The following EPB41 variants were observed in gnomAD, a reference collection of about 807,000 sequenced individuals.
EPB41 encodes protein 4.1.
EPB41 carries 65 observed loss-of-function variants against 108.0 expected under a neutral mutation model. The ratio of observed to expected loss-of-function variants is 0.60; its 90% CI spans 0.49 to 0.74. The LOEUF is 0.74. EPB41 is among the 30% of genes least tolerant of loss of function. The pLI, the probability that EPB41 is intolerant of heterozygous loss-of-function variation, is 0.00. For synonymous variants in EPB41, 336 were observed against 358.9 expected, an observed-to-expected ratio of 0.94 and a Z score of 0.72; for missense variants, 875 against 1,037.0, an observed-to-expected ratio of 0.84 and a Z score of 2.15.
rs1671186920 is a variant in EPB41, at chr1:29,117,382, C to T, written c.*570C>T. On this transcript the variant is annotated 3_prime_UTR_variant, in exon 21 of 21. Transcript: ENST00000343067. ...CAGACCTCGGAAAGATGCCCCTGTT[C>T]CTTTGTTGCGGGTGGTTTTGGTAAG... The T allele has an allele frequency of 6.5e-6, 1 of 152,702 alleles. No individual in the cohort carries two copies. The highest frequency in any genetic ancestry group is 2.4e-5 in the African/African-American group (1 of 41,440). 9.5% of individuals were successfully genotyped at this position (152,702 alleles called of 1,614,324 possible). A position where few individuals can be genotyped will look rare whatever the true frequency, so the allele number is the denominator to read the frequency against.
intron 4 of EPB41, among the ~76,000 whole-genome samples, chr1:29,007,736 C>T (rs1346046376): frequency 6.6e-6 from 1 of 152,164 alleles, no homozygotes; most frequent in Non-Finnish European, 1.5e-5. Context: ...GTCTTTCTCT[C>T]ACCACTATAG....
chr1:29,033,925 C>G (rs1396820969), intron 9 of EPB41, among the ~76,000 whole-genome samples: 1 of 152,126 alleles, frequency 6.6e-6, no homozygotes, highest in East Asian at 1.9e-4. Flanking sequence ...GTCATTTGGG[C>G]AGGATAATAC....
At chr1:29,006,769 G>T (rs1018365707) in intron 4 of EPB41, among the ~76,000 whole-genome samples, 12 of 151,830 alleles carry the variant, frequency 7.9e-5, no homozygotes, top group African/African-American at 2.4e-4. Context: ...GTGTGGTGGT[G>T]AGCACCTGTA....
chr1:29,091,943 G>A (rs1661340552), intron 16 of EPB41, among the ~76,000 whole-genome samples: 1 of 152,022 alleles, frequency 6.6e-6, no homozygotes, highest in African/African-American at 2.4e-5. Context: ...ATGGAGCCCT[G>A]GTTAATATTC....
In EPB41 at chr1:29,061,829, C is replaced by T. The variant is rs150520995; in HGVS notation, c.2007+1345C>T. Among the ~76,000 whole-genome samples the T allele has an allele frequency of 4.4e-3, 662 of 152,076 alleles. 4 individuals are homozygous for T. Among genetic ancestry groups the T allele is most frequent in the African/African-American group, 0.015 (628 of 41,482 alleles). On this transcript the variant is annotated intron_variant, in intron 15 of 20. Coordinates refer to ENST00000343067, the MANE Select transcript of EPB41 (RefSeq NM_001376013.1). ...TCCTGGACTCAAGTGATCCTTCTGC[C>T]TTAGCCTCCCAAAGTACCGGGGTTA...
chr1:28,956,484 C>T (rs2094955009), intron 1 of EPB41, among the ~76,000 whole-genome samples: 1 of 152,158 alleles, frequency 6.6e-6, no homozygotes, highest in Non-Finnish European at 1.5e-5. Flanking sequence ...CTGTAGGTCT[C>T]CAAGAACAAG....
At chr1:29,050,188 G>A (rs533264483) in intron 11 of EPB41, among the ~76,000 whole-genome samples, 9 of 152,316 alleles carry the variant, frequency 5.9e-5, no homozygotes, top group East Asian at 3.9e-4. Context: ...TCTGTTCCAC[G>A]CAGCCTTTCA....
At chr1:28,987,399 A>C in intron 1 of EPB41, 32 bp from the exon 2 acceptor site, 1 of 1,599,738 alleles carries the variant, frequency 6.3e-7, no homozygotes, top group East Asian at 2.2e-5. Context: ...TTTGCTTATA[A>C]GAGCCCCCCT....
intron 1 of EPB41, among the ~76,000 whole-genome samples, chr1:28,924,928 C>A (rs1441411526): frequency 1.3e-5 from 2 of 150,204 alleles, no homozygotes; most frequent in African/African-American, 4.9e-5. Context: ...TCCTGAGGAG[C>A]TGAGACTACA....
intron 1 of EPB41, among the ~76,000 whole-genome samples, chr1:28,950,106 G>A (rs2094651523): frequency 6.6e-6 from 1 of 152,262 alleles, no homozygotes; most frequent in African/African-American, 2.4e-5. Context: ...GTACATGTGT[G>A]TGTTAGTGTG....
intron 1 of EPB41, among the ~76,000 whole-genome samples, chr1:28,923,118 T>C (rs2093227264): frequency 7.0e-6 from 1 of 143,028 alleles, no homozygotes. Flanking sequence ...TTTCTTTTTT[T>C]TTTTTTTTTT....
At chr1:29,089,770 T>C (rs1171884116) in intron 16 of EPB41, among the ~76,000 whole-genome samples, 1 of 152,192 alleles carries the variant, frequency 6.6e-6, no homozygotes, top group East Asian at 1.9e-4. Flanking sequence ...GATTTTAAAG[T>C]ATTTTCTGTC....
chr1:28,887,568 C>T lies in EPB41; in HGVS notation c.-8+358C>T, dbSNP rs952262837. On this transcript the variant is annotated intron_variant, in intron 1 of 16. Coordinates refer to the EPB41 transcript ENST00000347529. The surrounding 1 kb of genome is among the most constrained non-coding windows in gnomAD (Gnocchi z 4.9). ...CCTGCAGGTCGGCGCAGCCCCCGGC[C>T]GCCCCCTAGCCCCGCCTTGCCCGGC... is the stretch of plus-strand genomic sequence containing the variant. 1.0e-6 allele frequency: 1 copy of T among 985,298 alleles called. No individual in the cohort carries two copies. The allele number at this position is 985,298 out of a possible 1,614,324, so 61.0% of individuals were successfully genotyped here. A position where few individuals can be genotyped will look rare whatever the true frequency, so the allele number is the denominator to read the frequency against.
chr1:29,009,874 T>C (rs1249306134), intron 4 of EPB41, among the ~76,000 whole-genome samples: 2 of 152,202 alleles, frequency 1.3e-5, no homozygotes, highest in African/African-American at 4.8e-5. Context: ...TCCCCACTCT[T>C]AGGTTTATTG....
chr1:28,962,574 C>T (rs2095250140), intron 1 of EPB41, among the ~76,000 whole-genome samples: 1 of 152,148 alleles, frequency 6.6e-6, no homozygotes, highest in African/African-American at 2.4e-5. Flanking sequence ...AGTCATTCCC[C>T]ATTCTGGTTT....
chr1:28,947,180 A>T (rs992687501), intron 1 of EPB41, among the ~76,000 whole-genome samples: 7 of 152,106 alleles, frequency 4.6e-5, no homozygotes, highest in African/African-American at 1.7e-4. Context: ...CACTTTAGGA[A>T]GCCAAGGCGG....
chr1:29,098,104 A>G (rs929271341), intron 17 of EPB41, among the ~76,000 whole-genome samples, 169 bp downstream of exon 17: 7 of 152,218 alleles, frequency 4.6e-5, no homozygotes, highest in African/African-American at 1.7e-4. Context: ...TATCTAAAGC[A>G]AAAAATTGAG....
chr1:29,052,253 A>G (rs1644657628), intron 11 of EPB41, among the ~76,000 whole-genome samples: 1 of 152,184 alleles, frequency 6.6e-6, no homozygotes, highest in South Asian at 2.1e-4. Context: ...TTCAGCCTCT[A>G]TGCACTGGAT....
At chr1:29,008,190 T>C (rs1169047814) in intron 4 of EPB41, among the ~76,000 whole-genome samples, 3 of 152,204 alleles carry the variant, frequency 2.0e-5, no homozygotes, top group Non-Finnish European at 2.9e-5. Context: ...AATTATTCTT[T>C]ACCACTATAC....
Sources: allele counts gnomAD v4.1 joint callset (sites outside exome capture counted in the v4.1 genomes callset), GRCh38; gene constraint gnomAD v4.1.1; non-coding constraint Gnocchi (gnomAD v3.1); transcripts MANE v1.5; gene names NCBI Gene and HGNC (gene_info 2026-07-23, HGNC 2026-07-21).